The following XKR4 variants were observed in gnomAD, a reference collection of about 807,000 sequenced individuals.
XKR4 encodes the protein XK related 4, also known as XK-related protein 4.
XKR4 carries 12 observed loss-of-function variants against 53.9 expected under a neutral mutation model. The observed-to-expected ratio is 0.22, with a 90% confidence interval of 0.14 to 0.36. The LOEUF is 0.36. XKR4 is among the 10% of genes least tolerant of loss of function. XKR4 has a pLI of 1.00. For missense variants in XKR4, 799 were observed against 859.5 expected (o/e 0.93, Z 0.88); for synonymous variants, 354 against 362.4 (o/e 0.98, Z 0.26).
At chr8:55,399,923 G>A (rs1804574736) in intron 2 of XKR4, among the ~76,000 whole-genome samples, 1 of 152,192 alleles carries the variant, frequency 6.6e-6, no homozygotes, top group Admixed American at 6.5e-5. Flanking sequence ...CCTTGGAAGG[G>A]AGAATCAGGG....
In XKR4 at chr8:55,455,524, C is replaced by T. The variant is rs114548370; in HGVS notation, c.1007-67757C>T. Among the ~76,000 whole-genome samples the T allele has an allele frequency of 5.9e-3, 898 of 152,200 alleles. 9 individuals carry two copies. Among genetic ancestry groups the T allele is most frequent in the African/African-American group, 0.02 (838 of 41,528 alleles). On this transcript the variant is annotated intron_variant, in intron 2 of 2. Transcript: ENST00000327381. ...GGGCAATAGGTCAAAATACTATAGC[C>T]TTCCTCGCTAAAAGTGGAAACTCAG...
At chr8:55,113,733 C>A (rs1341939634) in intron 1 of XKR4, among the ~76,000 whole-genome samples, 1 of 152,140 alleles carries the variant, frequency 6.6e-6, no homozygotes, top group African/African-American at 2.4e-5. Flanking sequence ...CTTCCACCCT[C>A]CCACCTTTTG....
chr8:55,461,610 A>G (rs1004331128), intron 2 of XKR4, among the ~76,000 whole-genome samples: 8 of 152,268 alleles, frequency 5.3e-5, no homozygotes, highest in Admixed American at 3.3e-4. Context: ...CAGCAACGGA[A>G]CAAAGCTGGA....
At chr8:55,355,499 T>C (rs951534427) in intron 1 of XKR4, among the ~76,000 whole-genome samples, 1 of 152,148 alleles carries the variant, frequency 6.6e-6, no homozygotes, top group Non-Finnish European at 1.5e-5. Context: ...AACCTGAAGC[T>C]ATATAATGAA....
intron 1 of XKR4, among the ~76,000 whole-genome samples, chr8:55,151,354 G>A (rs1415521815): frequency 6.6e-6 from 1 of 152,164 alleles, no homozygotes; most frequent in Non-Finnish European, 1.5e-5. Context: ...AGGAATACAA[G>A]GTGAATTTCT....
At chr8:55,409,985 C>G (rs960186147) in intron 2 of XKR4, among the ~76,000 whole-genome samples, 7 of 151,972 alleles carry the variant, frequency 4.6e-5, no homozygotes, top group Non-Finnish European at 1.0e-4. Context: ...CTTCATCTGT[C>G]TGAAATAAAT....
chr8:55,186,233 T>G (rs1817374956), intron 1 of XKR4, among the ~76,000 whole-genome samples: 1 of 152,162 alleles, frequency 6.6e-6, no homozygotes, highest in Non-Finnish European at 1.5e-5. Context: ...AAATAATAGT[T>G]TAGATTTAAA....
chr8:55,210,847 A>G (rs886829125), intron 1 of XKR4, among the ~76,000 whole-genome samples: 1 of 152,240 alleles, frequency 6.6e-6, no homozygotes, highest in African/African-American at 2.4e-5. Flanking sequence ...TCTCATTTGC[A>G]TAAGGTGTGC....
intron 2 of XKR4, among the ~76,000 whole-genome samples, chr8:55,499,245 A>G (rs1235687384): frequency 6.6e-6 from 1 of 152,224 alleles, no homozygotes; most frequent in Non-Finnish European, 1.5e-5. Context: ...AGCACTATGA[A>G]ATTTGACATT....
chr8:55,459,211 T>G (rs554749192), intron 2 of XKR4, among the ~76,000 whole-genome samples: 44 of 152,236 alleles, frequency 2.9e-4, no homozygotes, highest in African/African-American at 1.0e-3. Flanking sequence ...GCTAAAACAA[T>G]TAAATATTCA....
At chr8:55,107,002 G>A (rs1174112360) in intron 1 of XKR4, among the ~76,000 whole-genome samples, 4 of 152,074 alleles carry the variant, frequency 2.6e-5, no homozygotes, top group Admixed American at 6.5e-5. Flanking sequence ...ATAAGCTAAG[G>A]TACAGTTATC....
chr8:55,402,680 G>C (rs2129390124), intron 2 of XKR4, among the ~76,000 whole-genome samples: 1 of 152,302 alleles, frequency 6.6e-6, no homozygotes, highest in East Asian at 1.9e-4. Flanking sequence ...CATGTCGTGG[G>C]GCAAAACTGT....
intron 1 of XKR4, among the ~76,000 whole-genome samples, chr8:55,112,346 T>C (rs1328627232): frequency 6.6e-6 from 1 of 151,980 alleles, no homozygotes; most frequent in African/African-American, 2.4e-5. Context: ...CATATAGAAG[T>C]AGGATCTATA....
chr8:55,450,944 C>T, intron 2 of XKR4: 1 of 492,430 alleles, frequency 2.0e-6, no homozygotes, highest in South Asian at 1.9e-5. Flanking sequence ...CCAGCAAGCG[C>T]AGGAAGGAGA....
chr8:55,452,096 A>G, intron 2 of XKR4: 1 of 699,288 alleles, frequency 1.4e-6, no homozygotes, highest in Middle Eastern at 3.1e-4. Context: ...GTGTGTAGGT[A>G]GAGCCCAGGG....
intron 2 of XKR4, among the ~76,000 whole-genome samples, chr8:55,462,462 C>T (rs1214019103): frequency 2.6e-5 from 4 of 152,192 alleles, no homozygotes; most frequent in African/African-American, 9.6e-5. Flanking sequence ...CCTAAAAGAG[C>T]TCCTGAAGGA....
intron 1 of XKR4, among the ~76,000 whole-genome samples, chr8:55,125,526 G>GCC (rs1167646066): frequency 1.3e-5 from 2 of 152,176 alleles, no homozygotes; most frequent in Non-Finnish European, 2.9e-5. Flanking sequence ...GAGCCACCAT[G>GCC]CCCAGCCTTG....
intron 2 of XKR4, among the ~76,000 whole-genome samples, chr8:55,501,350 G>A (rs537245760): frequency 6.6e-6 from 1 of 152,186 alleles, no homozygotes; most frequent in African/African-American, 2.4e-5. Flanking sequence ...CGGTTCAATG[G>A]CATTGAGTAC....
intron 2 of XKR4, among the ~76,000 whole-genome samples, chr8:55,460,260 A>C (rs931988328): frequency 2.0e-5 from 3 of 152,218 alleles, no homozygotes; most frequent in Non-Finnish European, 4.4e-5. Context: ...ATCAGTGGCT[A>C]TCTGAAATGG....
Sources: gnomAD v4.1 joint callset for allele counts (sites outside exome capture counted in the v4.1 genomes callset) on GRCh38, gnomAD v4.1.1 for gene constraint, MANE v1.5 for transcripts, NCBI Gene and HGNC (gene_info 2026-07-23, HGNC 2026-07-21) for gene names.